ZNF180: variants seen among roughly 807,000 people sequenced by gnomAD.
ZNF180 encodes the protein zinc finger protein 180 (HHZ168).
ZNF180 carries 11 observed loss-of-function variants against 11.8 expected under a neutral mutation model. That is an observed-to-expected ratio of 0.93 (90% CI 0.59 to 1.55). ZNF180 has a LOEUF of 1.55. Among genes scored for constraint, ZNF180 ranks in the 40% most tolerant of loss-of-function variants. ZNF180 has a pLI of 0.00. For synonymous variants in ZNF180, 287 were observed against 257.7 expected, an observed-to-expected ratio of 1.11 and a Z score of -1.09; for missense variants, 773 against 781.7, an observed-to-expected ratio of 0.99 and a Z score of 0.13.
At position 44,477,379 on chromosome 19, in the gene ZNF180, G is replaced by A; in HGVS notation, c.1021C>T (p.Leu341Phe). 3 of 1,614,086 alleles carry A rather than the reference G, an allele frequency of 1.9e-6. No individual in the cohort carries two copies. The highest frequency in any genetic ancestry group is 2.5e-6 in the Non-Finnish European group (3 of 1,180,016). ...CGKSFSWSSH[L>F]VAHQRTHTGE... ...GTGTGAGTTCTCTGATGTGCAACAA[G>A]ATGCGAGCTCCAGCTGAAGGATTTC... Residue 341 changes from leucine (L) to phenylalanine (F), a missense_variant, in exon 5 of 5, where the codon CTT (leucine) becomes TTT (phenylalanine). Physicochemically the swap from Leu to Phe is conservative, Grantham distance 22. Coordinates refer to ENST00000592529, the MANE Select transcript of ZNF180 (RefSeq NM_001278509.3).
At chr19:44,480,928 T>C (rs2123448776) in intron 3 of ZNF180, among the ~76,000 whole-genome samples, 1 of 152,340 alleles carries the variant, frequency 6.6e-6, no homozygotes. Flanking sequence ...AAAGATTAAC[T>C]GAGAGCCAAA....
At chr19:44,493,925 A>C (rs1294335591) in intron 2 of ZNF180, among the ~76,000 whole-genome samples, 1 of 152,208 alleles carries the variant, frequency 6.6e-6, no homozygotes, top group Non-Finnish European at 1.5e-5. Flanking sequence ...CAGCCCAGAC[A>C]ACAACTTGCC....
chr19:44,486,469 T>C (rs1166885540), intron 2 of ZNF180, among the ~76,000 whole-genome samples: 1 of 152,240 alleles, frequency 6.6e-6, no homozygotes, highest in Non-Finnish European at 1.5e-5. Flanking sequence ...GGTTTTTTCC[T>C]ACAGGATACA....
chr19:44,479,725 T>C (rs1970029434), intron 3 of ZNF180, among the ~76,000 whole-genome samples: 1 of 152,230 alleles, frequency 6.6e-6, no homozygotes, highest in Non-Finnish European at 1.5e-5. Context: ...AATTCCCACT[T>C]AGGAATTCCC....
In ZNF180 at chr19:44,497,590, G is replaced by C. The variant is rs144530632; in HGVS notation, c.-43-213C>G. Among the ~76,000 whole-genome samples, 391 of 152,098 alleles carry C rather than the reference G, an allele frequency of 2.6e-3. 1 individual carries two copies. Among genetic ancestry groups the C allele is most frequent in the African/African-American group, 7.9e-3 (329 of 41,472 alleles). ...GGTCAAGTTTCTGCAGCTCCAACCTGGTTCCTCCACCATCTTGGGCCCCTG... is the reference window on the plus strand; with the variant it reads ...GGTCAAGTTTCTGCAGCTCCAACCTCGTTCCTCCACCATCTTGGGCCCCTG... On this transcript the variant is annotated intron_variant, in intron 1 of 4. Coordinates refer to ENST00000592529, the MANE Select transcript of ZNF180 (RefSeq NM_001278509.3).
chr19:44,476,623 G>A lies in ZNF180; in HGVS notation c.1777C>T (p.Leu593Phe). 6.2e-7 allele frequency: 1 copy of A among 1,614,112 alleles called. No homozygotes were observed. Among genetic ancestry groups the A allele is most frequent in the Non-Finnish European group, 8.5e-7 (1 of 1,179,986 alleles). ...GTATGAGTTCTCTGATGTTGAGTAA[G>A]GCATGAACTCTGTCTGAAGGACTTC... Reference protein sequence around the residue: ...CGKSFRQSSCLTQHQRTHTGE... With the variant: ...CGKSFRQSSCFTQHQRTHTGE... Residue 593 changes from leucine (L) to phenylalanine (F), a missense_variant, in exon 5 of 5, where the codon CTT (leucine) becomes TTT (phenylalanine). Coordinates refer to ENST00000592529, the MANE Select transcript of ZNF180 (RefSeq NM_001278509.3).
chr19:44,497,581 C>A (rs1008199572), intron 1 of ZNF180, among the ~76,000 whole-genome samples: 2 of 152,120 alleles, frequency 1.3e-5, no homozygotes, highest in Non-Finnish European at 2.9e-5. Context: ...GTTTCTGCAG[C>A]TCCAACCTGG....
At chr19:44,487,920 T>A (rs1970273999) in intron 2 of ZNF180, among the ~76,000 whole-genome samples, 1 of 152,132 alleles carries the variant, frequency 6.6e-6, no homozygotes, top group African/African-American at 2.4e-5. Context: ...AGAGATGGGG[T>A]TTCACCATGT....
chr19:44,496,122 G>A (rs1023784065), intron 2 of ZNF180, among the ~76,000 whole-genome samples: 7 of 151,840 alleles, frequency 4.6e-5, no homozygotes, highest in Admixed American at 2.6e-4. Context: ...GGGCTCAGGC[G>A]ATCCTCCCAC....
rs1167715064 is a variant in ZNF180, at chr19:44,476,255, AAATTT to A, written c.*142_*146del. ...ACTTTCCCCCTTTCTTTTCCAGAAC[AAATTT>A]GAGACACACAATTAACAGAGGGCTG... On this transcript the variant is annotated 3_prime_UTR_variant, in exon 5 of 5. Transcript: ENST00000592529. The A allele has an allele frequency of 2.6e-6, 2 of 771,210 alleles. No homozygotes were observed. The highest frequency in any genetic ancestry group is 3.5e-5 in the Admixed American group (1 of 28,466). 47.8% of individuals were successfully genotyped at this position (771,210 alleles called of 1,614,324 possible).
chr19:44,480,095 A>T (rs549083812), intron 3 of ZNF180, among the ~76,000 whole-genome samples: 33 of 152,288 alleles, frequency 2.2e-4, no homozygotes, highest in Non-Finnish European at 3.7e-4. Context: ...AATACATCTA[A>T]TCTGACAATC....
chr19:44,479,598 G>T, intron 3 of ZNF180, 189 bp from the exon 4 acceptor site: 3 of 629,790 alleles, frequency 4.8e-6, no homozygotes, highest in Non-Finnish European at 5.4e-6. Flanking sequence ...GGTTTTGGAT[G>T]CTGGACCTGT....
At position 44,488,463 on chromosome 19, in the gene ZNF180, C is replaced by T. The variant is rs556155726; in HGVS notation, c.52-4028G>A. ...TATTTTTTTGGTGGAGACGGGGTTTCGCTGTGTTGGCCGGGCTGGTCTCCA... is the reference window on the plus strand; with the variant it reads ...TATTTTTTTGGTGGAGACGGGGTTTTGCTGTGTTGGCCGGGCTGGTCTCCA... On this transcript the variant is annotated intron_variant, in intron 2 of 4. Coordinates refer to ENST00000592529, the MANE Select transcript of ZNF180 (RefSeq NM_001278509.3). 4.0e-3 allele frequency among the ~76,000 whole-genome samples: 615 copies of T among 152,326 alleles called. 6 individuals carry two copies. The highest frequency in any genetic ancestry group is 0.014 in the African/African-American group (587 of 41,570).
rs765434155 is a variant in ZNF180, at chr19:44,476,648, C to T, written c.1752G>A (p.Gly584=). The T allele has an allele frequency of 5.0e-6, 8 of 1,614,080 alleles. No individual in the cohort carries two copies. Among genetic ancestry groups the T allele is most frequent in the Non-Finnish European group, 6.8e-6 (8 of 1,179,988 alleles). ...GGCATGAACTCTGTCTGAAGGACTT[C>T]CCACATTGACTGCATTCATAGGGCT... ...GEKPYECSQC[G]KSFRQSSCLT... is the part of the protein sequence containing the mutation. The change falls in exon 5 of 5, where the codon GGG becomes GGA. Residue 584 remains glycine, a synonymous_variant. Coordinates refer to ENST00000592529, the MANE Select transcript of ZNF180 (RefSeq NM_001278509.3).
chr19:44,478,124 T>A lies in ZNF180; in HGVS notation c.276A>T (p.Lys92Asn). Residue 92 changes from lysine (K) to asparagine (N), a missense_variant, in exon 5 of 5, where the codon AAA becomes AAT. By Grantham distance (94) the Lys-to-Asn change is moderately conservative (BLOSUM62 0). Transcript: ENST00000592529. ...VSWDLATAVG[K>N]KDSTSKQRIF... is the part of the protein sequence containing the mutation. ...TCCTCTGCTTTGAAGTTGAATCTTTTTTTCCAACTGCAGTTGCCAAGTCTG... is the reference window on the plus strand; with the variant it reads ...TCCTCTGCTTTGAAGTTGAATCTTTATTTCCAACTGCAGTTGCCAAGTCTG... 6.3e-7 allele frequency: 1 copy of A among 1,575,354 alleles called. No homozygotes were observed. Among genetic ancestry groups the A allele is most frequent in the Non-Finnish European group, 8.6e-7 (1 of 1,159,364 alleles).
rs912848819 is a variant in ZNF180 at position 44,475,864 on chromosome 19, T to G, written c.*538A>C. ...TCACTATATATCATAGACACTTTCC[T>G]AAAATTTATAAAATCTTCACATGTA... On this transcript the variant is annotated 3_prime_UTR_variant, in exon 5 of 5. Coordinates refer to ENST00000592529, the MANE Select transcript of ZNF180 (RefSeq NM_001278509.3). 6.6e-6 allele frequency: 1 copy of G among 152,324 alleles called. No homozygotes were observed. The highest frequency in any genetic ancestry group is 1.5e-5 in the Non-Finnish European group (1 of 68,128). 9.4% of individuals were successfully genotyped at this position (152,324 alleles called of 1,614,324 possible). A position where few individuals can be genotyped will look rare whatever the true frequency, so the allele number is the denominator to read the frequency against.
At chr19:44,483,361 A>C (rs976173279) in intron 3 of ZNF180, among the ~76,000 whole-genome samples, 1 of 152,218 alleles carries the variant, frequency 6.6e-6, no homozygotes, top group African/African-American at 2.4e-5. Context: ...TGGACCTGGC[A>C]AATTACAAAA....
At chr19:44,483,762 C>T (rs1970143557) in intron 3 of ZNF180, among the ~76,000 whole-genome samples, 1 of 152,162 alleles carries the variant, frequency 6.6e-6, no homozygotes, top group Admixed American at 6.5e-5. Context: ...CTGGTGCTAA[C>T]CAAGGACTGT....
At position 44,495,624 on chromosome 19, in the gene ZNF180, C is replaced by T. The variant is rs757721745; in HGVS notation, c.51+1660G>A. ...TGGGCTCCAACTACCCACAATGAAG[C>T]ACCCCCTCTCTGGATGCCTTGCTCA... On this transcript the variant is annotated intron_variant, in intron 2 of 4. Transcript: ENST00000592529. This position sits in a 1 kb window ranked among gnomAD's most constrained non-coding sequence, Gnocchi z 4.5. 1.4e-4 allele frequency among the ~76,000 whole-genome samples: 21 copies of T among 152,152 alleles called. No individual in the cohort carries two copies. Among genetic ancestry groups the T allele is most frequent in the Admixed American group, 2.6e-4 (4 of 15,272 alleles).
Sources: gnomAD v4.1 joint callset for allele counts (sites outside exome capture counted in the v4.1 genomes callset) on GRCh38, gnomAD v4.1.1 for gene constraint, Gnocchi (gnomAD v3.1) non-coding constraint, MANE v1.5 for transcripts, NCBI Gene and HGNC (gene_info 2026-07-23, HGNC 2026-07-21) for gene names.